Variants in RUNDC3B observed in about 807,000 individuals in gnomAD.
RUNDC3B encodes the protein RUN domain containing 3B.
In RUNDC3B, 33 loss-of-function variants were observed where a neutral mutation model predicts 58.4. The observed-to-expected ratio is 0.56, with a 90% CI of 0.43 to 0.75. The LOEUF (loss-of-function observed/expected upper bound fraction) is 0.75. Among genes scored for constraint, RUNDC3B ranks in the 30% least tolerant of loss-of-function variants. The probability of loss-of-function intolerance (pLI) is 0.00; values close to 1 mark genes in which losing one functional copy is unlikely to be tolerated. For synonymous variants in RUNDC3B, 193 were observed against 195.2 expected (o/e 0.99, Z 0.10); for missense variants, 501 against 535.7 (o/e 0.94, Z 0.64).
intron 2 of RUNDC3B, among the ~76,000 whole-genome samples, chr7:87,685,999 C>T (rs1181094166): frequency 6.6e-6 from 1 of 152,154 alleles, no homozygotes; most frequent in African/African-American, 2.4e-5. Context: ...ACCATCACCC[C>T]TCCATATTTT....
chr7:87,755,117 G>A (rs754515326), intron 6 of RUNDC3B, among the ~76,000 whole-genome samples: 12 of 151,488 alleles, frequency 7.9e-5, no homozygotes, highest in Non-Finnish European at 1.8e-4. Context: ...CTGCCTCCCG[G>A]GTTCAAGTGA....
In RUNDC3B at chr7:87,830,266, TA is replaced by T. The variant is rs985325439; in HGVS notation, c.*249del. On this transcript the variant is annotated 3_prime_UTR_variant, in exon 11 of 11. Transcript: ENST00000394654. ...AGAAAGTTCAAAATGGAATAGGCTT[TA>T]AAAAAAAAAAAACTTTCAAAGATCC... 6,990 of 224,414 alleles carry T rather than the reference TA, an allele frequency of 0.031. 42 individuals are homozygous for T. The highest frequency in any genetic ancestry group is 0.047 in the African/African-American group (1,954 of 41,994). 13.9% of individuals were successfully genotyped at this position (224,414 alleles called of 1,614,324 possible). A position where few individuals can be genotyped will look rare whatever the true frequency, so the allele number is the denominator to read the frequency against.
rs565370133 is a variant in RUNDC3B at position 87,653,103 on chromosome 7, A to G, written c.238+2166A>G. 9.2e-5 allele frequency among the ~76,000 whole-genome samples: 14 copies of G among 152,126 alleles called. No homozygotes were observed. In the South Asian group the frequency reaches 2.9e-3, roughly 32 times the overall value. ...GAGGCTTTTAAAATCAGATATATTA[A>G]TATTATTTGCAGTAATCTCTCAATA... On this transcript the variant is annotated intron_variant, in intron 2 of 10. Coordinates refer to ENST00000394654, the MANE Select transcript of RUNDC3B (RefSeq NM_001134405.2).
intron 6 of RUNDC3B, among the ~76,000 whole-genome samples, chr7:87,746,477 T>C (rs1832649131): frequency 6.6e-6 from 1 of 152,256 alleles, no homozygotes; most frequent in Non-Finnish European, 1.5e-5. Flanking sequence ...GTAATTGTTT[T>C]ATACATTTGG....
chr7:87,796,799 T>C (rs1175505838), intron 8 of RUNDC3B, among the ~76,000 whole-genome samples: 2 of 151,916 alleles, frequency 1.3e-5, no homozygotes, highest in Non-Finnish European at 2.9e-5. Context: ...CAAGAGGGAG[T>C]CCTGCAAGGT....
chr7:87,814,216 T>G (rs911015888), intron 9 of RUNDC3B, among the ~76,000 whole-genome samples: 1 of 150,882 alleles, frequency 6.6e-6, no homozygotes, highest in African/African-American at 2.4e-5. Flanking sequence ...TTCTCCTGCC[T>G]CAGCCTCCCA....
chr7:87,699,693 A>G (rs1171220952), intron 2 of RUNDC3B, among the ~76,000 whole-genome samples: 1 of 152,226 alleles, frequency 6.6e-6, no homozygotes, highest in African/African-American at 2.4e-5. Flanking sequence ...AGCATGAGCT[A>G]CCATGCCCAA....
At chr7:87,722,771 A>T (rs1186140302) in intron 4 of RUNDC3B, among the ~76,000 whole-genome samples, 1 of 152,184 alleles carries the variant, frequency 6.6e-6, no homozygotes, top group East Asian at 1.9e-4. Flanking sequence ...ATTGGGCAAC[A>T]AGTAGGCACA....
intron 2 of RUNDC3B, among the ~76,000 whole-genome samples, chr7:87,686,113 T>C (rs146070379): frequency 6.6e-6 from 1 of 152,352 alleles, no homozygotes; most frequent in East Asian, 1.9e-4. Flanking sequence ...TTACACTTGA[T>C]GTATACTTTC....
intron 2 of RUNDC3B, among the ~76,000 whole-genome samples, chr7:87,668,005 G>T (rs183749981): frequency 2.1e-4 from 32 of 152,186 alleles, no homozygotes; most frequent in African/African-American, 7.2e-4. Flanking sequence ...CTTAGAGAAT[G>T]AGGTGGGGAG....
chr7:87,653,153 A>T (rs1216090828), intron 2 of RUNDC3B, among the ~76,000 whole-genome samples: 1 of 152,098 alleles, frequency 6.6e-6, no homozygotes, highest in Non-Finnish European at 1.5e-5. Flanking sequence ...CTTTCCTAGG[A>T]TATAGCTGAG....
At chr7:87,675,653 C>CAAAAAAAAAAAAAAAAAAAAGAA (rs200136132) in intron 2 of RUNDC3B, among the ~76,000 whole-genome samples, 1 of 65,848 alleles carries the variant, frequency 1.5e-5, no homozygotes. Context: ...TATTCACATG[C>CAAAAAAAAAAAAAAAAAAAAGAA]AAAAAAAAAA....
intron 3 of RUNDC3B, among the ~76,000 whole-genome samples, chr7:87,709,894 A>G (rs1427443116): frequency 6.6e-6 from 1 of 152,196 alleles, no homozygotes; most frequent in African/African-American, 2.4e-5. Context: ...GAAAGTCCGT[A>G]AGAAAATTAA....
At chr7:87,687,762 T>C (rs1466041055) in intron 2 of RUNDC3B, among the ~76,000 whole-genome samples, 1 of 152,200 alleles carries the variant, frequency 6.6e-6, no homozygotes, top group Non-Finnish European at 1.5e-5. Context: ...TGAACTGTTA[T>C]GATACCTAAG....
At chr7:87,816,294 T>C (rs768069274) in intron 10 of RUNDC3B, 32 bp downstream of exon 10, 7 of 1,573,714 alleles carry the variant, frequency 4.4e-6, no homozygotes, top group Non-Finnish European at 5.2e-6. Flanking sequence ...TGAAAATTAC[T>C]CTTTTCCTGT....
intron 4 of RUNDC3B, among the ~76,000 whole-genome samples, chr7:87,719,131 A>G (rs1830721083): frequency 6.6e-6 from 1 of 152,064 alleles, no homozygotes; most frequent in Non-Finnish European, 1.5e-5. Flanking sequence ...ATAATAACAC[A>G]TAAAATCAAT....
chr7:87,699,781 C>A (rs1007568383), intron 2 of RUNDC3B, among the ~76,000 whole-genome samples: 1 of 152,130 alleles, frequency 6.6e-6, no homozygotes, highest in Non-Finnish European at 1.5e-5. Flanking sequence ...TTAGCCAAAT[C>A]TGAAAGATTA....
At chr7:87,679,558 T>G (rs1047061480) in intron 2 of RUNDC3B, among the ~76,000 whole-genome samples, 4 of 149,900 alleles carry the variant, frequency 2.7e-5, no homozygotes, top group African/African-American at 9.9e-5. Flanking sequence ...CCCAGCTAAT[T>G]TTTTGATTTT....
rs555565626 is a variant in RUNDC3B, at chr7:87,749,354, AT to A, written c.629+7782del. Among the ~76,000 whole-genome samples, 8 of 152,162 alleles carry A rather than the reference AT, an allele frequency of 5.3e-5. No homozygotes were observed. In the East Asian group the frequency reaches 1.2e-3, roughly 22 times the overall value. ...TCCTGCATAGCCACTTTTTGTCTGA[AT>A]TTTTTTAATACAACTTTGTGATGCA... On this transcript the variant is annotated intron_variant, in intron 6 of 10. Transcript: ENST00000394654.
Sources: gnomAD v4.1 joint callset for allele counts (sites outside exome capture counted in the v4.1 genomes callset) on GRCh38, gnomAD v4.1.1 for gene constraint, MANE v1.5 for transcripts, NCBI Gene and HGNC (gene_info 2026-07-23, HGNC 2026-07-21) for gene names.